Variants in PCDH15 observed in about 807,000 individuals in gnomAD.
The protein encoded by PCDH15 is protocadherin related 15, also known as protocadherin-15.
PCDH15 carries 129 observed loss-of-function variants against 178.5 expected under a neutral mutation model. That is an observed-to-expected ratio of 0.72 (90% CI 0.63 to 0.84). The LOEUF is 0.84. Ranked by LOEUF, PCDH15 falls within the 40% of genes least tolerant of loss-of-function variation. The probability of loss-of-function intolerance (pLI) is 0.00; values close to 1 mark genes in which losing one functional copy is unlikely to be tolerated. For missense variants in PCDH15, 2,230 were observed against 2,099.9 expected (o/e 1.06, Z -1.21); for synonymous variants, 800 against 732.0 (o/e 1.09, Z -1.50).
intron 8 of PCDH15, among the ~76,000 whole-genome samples, chr10:54,268,261 T>C (rs2057819665): frequency 6.6e-6 from 1 of 151,896 alleles, no homozygotes; most frequent in Admixed American, 6.6e-5. Context: ...TCTCTGACCA[T>C]ATAAAAAAAT....
chr10:54,204,176 C>A (rs2050537033), intron 10 of PCDH15, among the ~76,000 whole-genome samples: 1 of 151,996 alleles, frequency 6.6e-6, no homozygotes, highest in Admixed American at 6.6e-5. Context: ...TAATAAAAGT[C>A]TCAGATTTTT....
intron 2 of PCDH15, among the ~76,000 whole-genome samples, chr10:54,543,842 C>T (rs567053083): frequency 7.9e-5 from 12 of 152,164 alleles, no homozygotes; most frequent in Admixed American, 2.0e-4. Context: ...CGCTGTTGCT[C>T]ACCAAACAGA....
intron 2 of PCDH15, among the ~76,000 whole-genome samples, chr10:55,435,989 C>T (rs1839029135): frequency 6.6e-6 from 1 of 152,052 alleles, no homozygotes; most frequent in African/African-American, 2.4e-5. Context: ...AAATAACATT[C>T]CATAGTCACA....
chr10:54,926,167 A>G (rs1411408004), intron 2 of PCDH15, among the ~76,000 whole-genome samples: 1 of 152,108 alleles, frequency 6.6e-6, no homozygotes, highest in Non-Finnish European at 1.5e-5. Flanking sequence ...GGAATGTTGA[A>G]TTTCATCCAA....
intron 2 of PCDH15, among the ~76,000 whole-genome samples, chr10:55,157,103 T>G (rs1330757581): frequency 6.9e-6 from 1 of 144,708 alleles, no homozygotes; most frequent in Non-Finnish European, 1.5e-5. Context: ...TTAACACATA[T>G]GTGAAGGCAG....
At chr10:53,814,987 T>C (rs969772761) in intron 35 of PCDH15, among the ~76,000 whole-genome samples, 1 of 143,424 alleles carries the variant, frequency 7.0e-6, no homozygotes, top group Middle Eastern at 3.7e-3. Flanking sequence ...AAAAATCGAG[T>C]AAGGAACTGC....
intron 2 of PCDH15, among the ~76,000 whole-genome samples, chr10:55,466,134 AT>A (rs1451008530): frequency 6.6e-6 from 1 of 152,140 alleles, no homozygotes; most frequent in Admixed American, 6.5e-5. Context: ...AGAGATTACT[AT>A]TTATATCATT....
intron 2 of PCDH15, among the ~76,000 whole-genome samples, chr10:54,648,242 G>A (rs998223528): frequency 1.3e-5 from 2 of 152,106 alleles, no homozygotes; most frequent in African/African-American, 4.8e-5. Context: ...TACATGAAAT[G>A]TGTATTCATC....
chr10:54,727,737 C>G (rs534670978), intron 1 of PCDH15, among the ~76,000 whole-genome samples: 1 of 151,106 alleles, frequency 6.6e-6, no homozygotes, highest in African/African-American at 2.4e-5. Flanking sequence ...TACAATGAGA[C>G]GTGACAAAGG....
chr10:53,944,473 A>C (rs1313562315), intron 23 of PCDH15, among the ~76,000 whole-genome samples: 1 of 152,218 alleles, frequency 6.6e-6, no homozygotes, highest in Non-Finnish European at 1.5e-5. Flanking sequence ...TTTTCTAAAA[A>C]AATATTTTCT....
chr10:55,078,462 C>T (rs1385242549), intron 2 of PCDH15, among the ~76,000 whole-genome samples: 1 of 152,060 alleles, frequency 6.6e-6, no homozygotes, highest in Non-Finnish European at 1.5e-5. Flanking sequence ...TATATGTAGT[C>T]ACTTTATGAT....
At chr10:54,894,091 A>G (rs1564610551) in intron 3 of PCDH15, among the ~76,000 whole-genome samples, 1 of 152,120 alleles carries the variant, frequency 6.6e-6, no homozygotes, top group Non-Finnish European at 1.5e-5. Context: ...CATTTTACTT[A>G]TTTGAATTCA....
At chr10:54,806,637 C>T (rs1230328773) in intron 3 of PCDH15, among the ~76,000 whole-genome samples, 1 of 152,056 alleles carries the variant, frequency 6.6e-6, no homozygotes, top group East Asian at 1.9e-4. Context: ...GCACCCGCCA[C>T]TATACCTGGC....
intron 2 of PCDH15, among the ~76,000 whole-genome samples, chr10:54,973,127 A>G (rs186823006): frequency 2.1e-4 from 32 of 152,260 alleles, no homozygotes; most frequent in Admixed American, 2.0e-4. Context: ...GTGTGTGAAC[A>G]TGAATAAGGA....
intron 2 of PCDH15, among the ~76,000 whole-genome samples, chr10:55,105,379 C>G (rs1044976248): frequency 6.6e-6 from 1 of 151,916 alleles, no homozygotes; most frequent in Non-Finnish European, 1.5e-5. Context: ...ATTTCAAATC[C>G]ATGTTATTCA....
chr10:54,855,453 A>G (rs1953722103), intron 3 of PCDH15, among the ~76,000 whole-genome samples: 1 of 152,304 alleles, frequency 6.6e-6, no homozygotes, highest in South Asian at 2.1e-4. Flanking sequence ...CACTGTCATC[A>G]TTTAGAGTAA....
intron 1 of PCDH15, among the ~76,000 whole-genome samples, chr10:54,680,614 G>C (rs113944497): frequency 4.6e-5 from 7 of 152,158 alleles, no homozygotes; most frequent in Non-Finnish European, 1.0e-4. Context: ...GGTGGGGCCA[G>C]GTGAAGATAA....
chr10:55,435,615 T>C (rs527502808), intron 2 of PCDH15, among the ~76,000 whole-genome samples: 1 of 151,976 alleles, frequency 6.6e-6, no homozygotes, highest in East Asian at 1.9e-4. Context: ...ATTGCCTCAA[T>C]TAAATTTTTA....
intron 21 of PCDH15, among the ~76,000 whole-genome samples, chr10:53,984,124 T>TTTTTTTTTTTTTC (rs2090908845): frequency 2.0e-5 from 2 of 102,380 alleles, no homozygotes; most frequent in East Asian, 4.5e-4. Context: ...GTGCTTTTCT[T>TTTTTTTTTTTTTC]TTTTTTTTTT....
Sources: allele counts gnomAD v4.1 joint callset (sites outside exome capture counted in the v4.1 genomes callset), GRCh38; gene constraint gnomAD v4.1.1; transcripts MANE v1.5; gene names NCBI Gene and HGNC (gene_info 2026-07-23, HGNC 2026-07-21).